The following QTRT2 variants were observed in gnomAD, a reference collection of about 807,000 sequenced individuals.
The protein encoded by QTRT2 is queuine tRNA-ribosyltransferase domain containing 1.
QTRT2 carries 32 observed loss-of-function variants against 44.8 expected under a neutral mutation model. The observed-to-expected ratio is 0.71, with a 90% CI of 0.54 to 0.96. The LOEUF is 0.96. Among genes scored for constraint, QTRT2 ranks in the 40% least tolerant of loss-of-function variants. QTRT2 has a pLI of 0.00. For missense variants in QTRT2, 461 were observed against 503.1 expected (o/e 0.92, Z 0.80); for synonymous variants, 182 against 187.4 (o/e 0.97, Z 0.24).
intron 4 of QTRT2, among the ~76,000 whole-genome samples, chr3:114,067,780 C>T (rs374776207): frequency 2.7e-4 from 41 of 152,206 alleles, no homozygotes; most frequent in Non-Finnish European, 4.9e-4. Context: ...ATTTATTAGA[C>T]GTGAAGCTTT....
At chr3:114,067,067 A>C (rs1357724366) in intron 4 of QTRT2, among the ~76,000 whole-genome samples, 1 of 152,134 alleles carries the variant, frequency 6.6e-6, no homozygotes. Context: ...CTTGAATGAA[A>C]ATCCTGTTTC....
intron 6 of QTRT2, among the ~76,000 whole-genome samples, chr3:114,075,573 A>G (rs921227981): frequency 3.4e-5 from 5 of 148,742 alleles, no homozygotes; most frequent in Non-Finnish European, 5.9e-5. Context: ...CAGTGGCGCA[A>G]TCTCCACTCA....
Position 114,082,721 on chromosome 3 carries a change from C to T in QTRT2, c.943C>T (p.Gln315Ter). The T allele has an allele frequency of 6.6e-7, 1 of 1,525,090 alleles. No individual in the cohort carries two copies. Among genetic ancestry groups the T allele is most frequent in the Non-Finnish European group, 9.0e-7 (1 of 1,114,850 alleles). 94.5% of individuals were successfully genotyped at this position (1,525,090 alleles called of 1,614,324 possible). ...GTQEEIKCMD[Q>*]IKKIETTGCN... ...ACAAGAAGAAATAAAATGTATGGAT[C>T]AAATAAAGAAAATTGAAACAACTGG... Residue 315 changes from glutamine to a stop codon, truncating the protein, a stop_gained, in exon 9 of 10, where the codon CAA becomes TAA. Coordinates refer to ENST00000281273, the MANE Select transcript of QTRT2 (RefSeq NM_024638.4). LOFTEE classifies it high-confidence loss of function.
intron 4 of QTRT2, among the ~76,000 whole-genome samples, chr3:114,067,742 A>C (rs1437136207): frequency 6.6e-6 from 1 of 152,242 alleles, no homozygotes; most frequent in African/African-American, 2.4e-5. Flanking sequence ...TTTAAGATAC[A>C]TCTTTCCTTT....
chr3:114,070,906 C>G (rs2077016748), intron 6 of QTRT2, 68 bp downstream of exon 6: 1 of 1,244,918 alleles, frequency 8.0e-7, no homozygotes, highest in Admixed American at 1.8e-5. Context: ...TGTGATACCA[C>G]CTTTTCTGTT....
chr3:114,080,053 G>T lies in QTRT2; in HGVS notation c.894G>T (p.Glu298Asp). ...TTGATTACCAGCCGAATCCTGAAGA[G>T]ACACGTAAGTCTTTTGAAGTTTATC... is the stretch of plus-strand genomic sequence containing the variant. Reference protein sequence around the residue: ...FSFDYQPNPEETLLQQNGTQE... With the variant: ...FSFDYQPNPEDTLLQQNGTQE... Residue 298 changes from glutamate (E) to aspartate (D), a missense_variant, in exon 8 of 10, where the codon GAG becomes GAT. By Grantham distance (45) the Glu-to-Asp change is conservative. Transcript: ENST00000281273. 1 of 1,601,702 alleles carries T rather than the reference G, an allele frequency of 6.2e-7. No individual in the cohort carries two copies. Among genetic ancestry groups the T allele is most frequent in the South Asian group, 1.1e-5 (1 of 89,214 alleles).
chr3:114,068,362 T>C (rs1577522205), intron 5 of QTRT2: 3 of 296,706 alleles, frequency 1.0e-5, no homozygotes, highest in East Asian at 6.7e-5. Flanking sequence ...AAAACGATAG[T>C]CTTTCGGCGC....
At chr3:114,058,722 G>A (rs553263289) in intron 2 of QTRT2, among the ~76,000 whole-genome samples, 1 of 152,020 alleles carries the variant, frequency 6.6e-6, no homozygotes, top group Non-Finnish European at 1.5e-5. Context: ...TAGTAGAGAC[G>A]GTTTCACCAT....
Position 114,070,729 on chromosome 3 carries a change from A to G in QTRT2, c.437A>G (p.Asp146Gly), listed in dbSNP as rs556393060. ...LQPDWFQCLS[D>G]GEVSCKEATS... ...CCAGACTGGTTCCAGTGCCTCTCCG[A>G]TGGAGAAGTATCTTGTAAGGAAGCA... The change falls in exon 6 of 10, where the codon GAT (aspartate) becomes GGT (glycine). Residue 146 changes from aspartate (D) to glycine (G), a missense_variant. By Grantham distance (94) the Asp-to-Gly change is moderately conservative (BLOSUM62 -1). Coordinates refer to ENST00000281273, the MANE Select transcript of QTRT2 (RefSeq NM_024638.4). 4.5e-5 allele frequency: 72 copies of G among 1,614,014 alleles called. 1 individual carries two copies. In the South Asian group the frequency reaches 7.8e-4, roughly 17 times the overall value.
chr3:114,075,504 A>ATTTTTTTTTT (rs34436490), intron 6 of QTRT2, among the ~76,000 whole-genome samples: 2 of 118,754 alleles, frequency 1.7e-5, no homozygotes, highest in Non-Finnish European at 1.8e-5. Flanking sequence ...AGTTTTACTG[A>ATTTTTTTTTT]TTTTTTTTTT....
intron 8 of QTRT2, among the ~76,000 whole-genome samples, chr3:114,082,382 C>G (rs1371932553): frequency 1.3e-5 from 2 of 152,180 alleles, no homozygotes; most frequent in Non-Finnish European, 2.9e-5. Flanking sequence ...CATGCCTGGC[C>G]ACCAATGTTT....
chr3:114,085,040 G>C (rs1184675719), intron 9 of QTRT2, among the ~76,000 whole-genome samples: 4 of 152,158 alleles, frequency 2.6e-5, no homozygotes, highest in African/African-American at 9.7e-5. Flanking sequence ...CCAACACTTA[G>C]AAGTGTTTCC....
At chr3:114,067,303 G>GA (rs1427983046) in intron 4 of QTRT2, among the ~76,000 whole-genome samples, 3 of 152,108 alleles carry the variant, frequency 2.0e-5, no homozygotes, top group African/African-American at 7.2e-5. Flanking sequence ...AAAATAAAGT[G>GA]AAAAAACTGC....
rs766481358 is a variant in QTRT2, at chr3:114,065,274, C to T, written c.17C>T (p.Thr6Ile). 2 of 1,613,884 alleles carry T rather than the reference C, an allele frequency of 1.2e-6. No homozygotes were observed. Among genetic ancestry groups the T allele is most frequent in the Non-Finnish European group, 1.7e-6 (2 of 1,179,964 alleles). Residue 6 changes from threonine (T) to isoleucine (I), a missense_variant, in exon 3 of 10, where the codon ACC (threonine) becomes ATC (isoleucine). Transcript: ENST00000281273. MKLSL[T>I]KVVNGCRLGK... ...TCCCTTAGGATGAAGCTGAGTCTTA[C>T]CAAGGTAGTTAATGGCTGTCGCCTA...
chr3:114,070,656 G>A lies in QTRT2; in HGVS notation c.364G>A (p.Val122Met). ...SVSVWSVAGR[V>M]EMTVSKFMAI... ...GTCTGTGTGGAGTGTTGCAGGACGA[G>A]TGGAAATGACTGTTTCCAAGTTCAT... Residue 122 changes from valine (V) to methionine (M), a missense_variant, in exon 6 of 10, where the codon GTG becomes ATG. Transcript: ENST00000281273. The A allele has an allele frequency of 6.2e-7, 1 of 1,614,148 alleles. No homozygotes were observed. Among genetic ancestry groups the A allele is most frequent in the Non-Finnish European group, 8.5e-7 (1 of 1,179,994 alleles).
intron 2 of QTRT2, among the ~76,000 whole-genome samples, chr3:114,062,277 G>A (rs930549753): frequency 1.3e-5 from 2 of 150,968 alleles, no homozygotes; most frequent in African/African-American, 4.9e-5. Context: ...GCTGAGGTGG[G>A]AAGGTTACTT....
chr3:114,076,672 C>CAT, intron 6 of QTRT2, 71 bp from the exon 7 acceptor site: 1 of 1,439,938 alleles, frequency 6.9e-7, no homozygotes, highest in Non-Finnish European at 9.8e-7. Flanking sequence ...ATTGGACTTC[C>CAT]ATGTAAGGTT....
In QTRT2 at chr3:114,070,763, A is replaced by G; in HGVS notation, c.471A>G (p.Ile157Met). 6.2e-7 allele frequency: 1 copy of G among 1,614,042 alleles called. No individual in the cohort carries two copies. The highest frequency in any genetic ancestry group is 1.1e-5 in the South Asian group (1 of 91,080). ...TATCTTGTAAGGAAGCAACTTCCAT[A>G]AAAAGGGTCAGAAAGTCTGTTGACC... ...GEVSCKEATS[I>M]KRVRKSVDRS... The change falls in exon 6 of 10, where the codon ATA (isoleucine) becomes ATG (methionine). Residue 157 changes from isoleucine (I) to methionine (M), a missense_variant. By Grantham distance (10) the Ile-to-Met change is conservative. Transcript: ENST00000281273.
chr3:114,085,761 G>A lies in QTRT2; in HGVS notation c.1105G>A (p.Val369Met), dbSNP rs770301811. 3.1e-6 allele frequency: 5 copies of A among 1,614,064 alleles called. No homozygotes were observed. In the East Asian group the frequency reaches 6.7e-5, roughly 22 times the overall value. ...TCGGGCATACATCCACCATCTGCTG[G>A]TGACCAATGAGCTGCTGGCCGGAGT... Reference protein sequence around the residue: ...HTRAYIHHLLVTNELLAGVLL... With the variant: ...HTRAYIHHLLMTNELLAGVLL... The change falls in exon 10 of 10, where the codon GTG becomes ATG. Residue 369 changes from valine (V) to methionine (M), a missense_variant. Physicochemically the swap from Val to Met is conservative, Grantham distance 21 (BLOSUM62 1). Transcript: ENST00000281273.
Sources: gnomAD v4.1 joint callset for allele counts (sites outside exome capture counted in the v4.1 genomes callset) on GRCh38, gnomAD v4.1.1 for gene constraint, MANE v1.5 for transcripts, NCBI Gene and HGNC (gene_info 2026-07-23, HGNC 2026-07-21) for gene names.